Variants in TASP1 observed in about 807,000 individuals in gnomAD.
TASP1 encodes threonine aspartase 1.
TASP1 carries 16 observed loss-of-function variants against 56.6 expected under a neutral mutation model. The ratio of observed to expected loss-of-function variants is 0.28; its 90% CI spans 0.19 to 0.43. TASP1 has a LOEUF of 0.43. Among genes scored for constraint, TASP1 ranks in the 20% least tolerant of loss-of-function variants. The probability of loss-of-function intolerance (pLI) is 1.00; values close to 1 mark genes in which losing one functional copy is unlikely to be tolerated. For missense variants in TASP1, 393 were observed against 511.6 expected (o/e 0.77, Z 2.24); for synonymous variants, 179 against 184.2 (o/e 0.97, Z 0.23).
At chr20:13,565,062 G>A (rs1353214611) in intron 7 of TASP1, among the ~76,000 whole-genome samples, 1 of 149,856 alleles carries the variant, frequency 6.7e-6, no homozygotes, top group African/African-American at 2.4e-5. Context: ...ACAGAAAAAT[G>A]CAATAGATTA....
chr20:13,337,299 A>T, the TASP1 span, among the ~76,000 whole-genome samples: 1 of 152,140 alleles, frequency 6.6e-6, no homozygotes, highest in Non-Finnish European at 1.5e-5. Flanking sequence ...TGAGTCTCTG[A>T]TTTTCAGTTT....
intron 1 of TASP1, among the ~76,000 whole-genome samples, chr20:13,636,176 C>T (rs1412359451): frequency 7.9e-6 from 1 of 126,690 alleles, no homozygotes; most frequent in Non-Finnish European, 1.6e-5. Context: ...GACAGAGTCT[C>T]ACTCTGTCAC....
At chr20:13,360,667 A>C in the TASP1 span, among the ~76,000 whole-genome samples, 23 of 152,190 alleles carry the variant, frequency 1.5e-4, no homozygotes, top group African/African-American at 5.5e-4. Flanking sequence ...TCACTCTCTA[A>C]AGTTCTCATA....
At chr20:13,533,496 T>C (rs1385709598) in intron 9 of TASP1, among the ~76,000 whole-genome samples, 4 of 152,194 alleles carry the variant, frequency 2.6e-5, no homozygotes, top group Admixed American at 1.3e-4. Context: ...TCTCCATTTC[T>C]AGATTTGTTA....
At chr20:13,117,653 T>G in the TASP1 span, 1 of 1,613,964 alleles carries the variant, frequency 6.2e-7, no homozygotes, top group Non-Finnish European at 8.5e-7. Flanking sequence ...TAGACCCTCA[T>G]GAAGTTGATG....
chr20:13,364,126 A>C, the TASP1 span, among the ~76,000 whole-genome samples: 1 of 151,884 alleles, frequency 6.6e-6, no homozygotes, highest in African/African-American at 2.4e-5. Flanking sequence ...TGTTGTGATT[A>C]TTTGTCAGTG....
At chr20:13,321,474 C>T in the TASP1 span, among the ~76,000 whole-genome samples, 5 of 152,060 alleles carry the variant, frequency 3.3e-5, no homozygotes, top group African/African-American at 9.7e-5. Context: ...CGCTCTAGGA[C>T]GTTCCAGAAT....
chr20:13,164,496 T>G, the TASP1 span: 1 of 539,830 alleles, frequency 1.9e-6, no homozygotes, highest in Non-Finnish European at 3.5e-6. Flanking sequence ...TTTTTATTCT[T>G]CTCTTCACAC....
the TASP1 span, among the ~76,000 whole-genome samples, chr20:13,179,271 G>A: frequency 2.0e-5 from 3 of 152,186 alleles, no homozygotes; most frequent in East Asian, 3.9e-4. Context: ...GTAAATACCT[G>A]TAAAAATGTA....
the TASP1 span, among the ~76,000 whole-genome samples, chr20:13,181,500 T>C: frequency 6.6e-6 from 1 of 152,186 alleles, no homozygotes; most frequent in Non-Finnish European, 1.5e-5. Flanking sequence ...TATGGTCTTA[T>C]AGGAGTCACG....
Position 13,408,910 on chromosome 20 carries a change from A to AT in TASP1, c.1170+8537dup, listed in dbSNP as rs578007007. On this transcript the variant is annotated intron_variant, in intron 13 of 13. Coordinates refer to ENST00000337743, the MANE Select transcript of TASP1 (RefSeq NM_017714.3). ...TTCTAAAGTTTTATCAATTTCACTAATTTTTTTTCAAAGAACTTCGTCTAG... is the reference window on the plus strand; with the variant it reads ...TTCTAAAGTTTTATCAATTTCACTAATTTTTTTTTCAAAGAACTTCGTCTAG... Among the ~76,000 whole-genome samples the AT allele has an allele frequency of 7.1e-3, 1,079 of 150,942 alleles. 5 individuals carry two copies. Among genetic ancestry groups the AT allele is most frequent in the Non-Finnish European group, 0.011 (761 of 67,526 alleles).
chr20:13,329,231 T>C, the TASP1 span, among the ~76,000 whole-genome samples: 1 of 152,310 alleles, frequency 6.6e-6, no homozygotes, highest in Middle Eastern at 3.4e-3. Context: ...TACTTCAGAA[T>C]GTGACTATAT....
At chr20:13,518,085 T>C (rs2044605384) in intron 10 of TASP1, among the ~76,000 whole-genome samples, 1 of 152,106 alleles carries the variant, frequency 6.6e-6, no homozygotes, top group Admixed American at 6.6e-5. Context: ...AGATTTCCCA[T>C]GGCATTATTC....
chr20:13,232,869 G>A, the TASP1 span, among the ~76,000 whole-genome samples: 3 of 152,202 alleles, frequency 2.0e-5, no homozygotes, highest in Non-Finnish European at 4.4e-5. Context: ...GAAAGAAGGA[G>A]AGAAGATACT....
At chr20:13,542,287 C>T (rs1325054133) in intron 8 of TASP1, among the ~76,000 whole-genome samples, 1 of 152,050 alleles carries the variant, frequency 6.6e-6, no homozygotes, top group Non-Finnish European at 1.5e-5. Flanking sequence ...AATAGAGATA[C>T]AGGGCTTTAC....
chr20:13,395,382 T>A (rs928679028), intron 13 of TASP1, among the ~76,000 whole-genome samples: 6 of 152,248 alleles, frequency 3.9e-5, no homozygotes, highest in Admixed American at 3.3e-4. Context: ...GAAACAGATA[T>A]CTGTTTCCAC....
At chr20:13,263,712 G>A in the TASP1 span, among the ~76,000 whole-genome samples, 1 of 152,210 alleles carries the variant, frequency 6.6e-6, no homozygotes, top group South Asian at 2.1e-4. Flanking sequence ...AAGGCGCACA[G>A]CCATGTGCCT....
chr20:13,233,661 G>A, the TASP1 span, among the ~76,000 whole-genome samples: 1 of 151,418 alleles, frequency 6.6e-6, no homozygotes, highest in Middle Eastern at 3.5e-3. Flanking sequence ...GAAATGAATT[G>A]AGGAAATTCT....
the TASP1 span, among the ~76,000 whole-genome samples, chr20:13,333,498 C>A: frequency 6.6e-6 from 1 of 152,198 alleles, no homozygotes; most frequent in Non-Finnish European, 1.5e-5. Context: ...GCTGCTCTCT[C>A]CAAAGCATAT....
Sources: gnomAD v4.1 joint callset for allele counts (sites outside exome capture counted in the v4.1 genomes callset) on GRCh38, gnomAD v4.1.1 for gene constraint, MANE v1.5 for transcripts, NCBI Gene and HGNC (gene_info 2026-07-23, HGNC 2026-07-21) for gene names.